Variants in AUTS2 observed in about 807,000 individuals in gnomAD.
AUTS2 encodes the protein autism susceptibility gene 2 protein.
A neutral mutation model predicts 112.4 loss-of-function variants in AUTS2; 17 were observed. That is an observed-to-expected ratio of 0.15 (90% CI 0.10 to 0.23). AUTS2 has a LOEUF of 0.23. Among genes scored for constraint, AUTS2 ranks in the 10% least tolerant of loss-of-function variants. AUTS2 has a pLI of 1.00. For synonymous variants in AUTS2, 751 were observed against 702.7 expected (o/e 1.07, Z -1.09); for missense variants, 1,510 against 1,701.6 (o/e 0.89, Z 1.98).
At chr7:69,991,686 A>G (rs2129551545) in intron 2 of AUTS2, among the ~76,000 whole-genome samples, 1 of 152,358 alleles carries the variant, frequency 6.6e-6, no homozygotes, top group East Asian at 1.9e-4. Context: ...GCTATATGGT[A>G]TGATAATATA....
intron 4 of AUTS2, among the ~76,000 whole-genome samples, chr7:70,184,211 G>T (rs2077395866): frequency 6.6e-6 from 1 of 152,020 alleles, no homozygotes; most frequent in Admixed American, 6.6e-5. Flanking sequence ...GTATAATTAT[G>T]GTGCCTGACC....
intron 2 of AUTS2, among the ~76,000 whole-genome samples, chr7:69,963,704 T>C (rs1190284407): frequency 1.3e-5 from 2 of 152,134 alleles, no homozygotes; most frequent in Non-Finnish European, 2.9e-5. Flanking sequence ...CATTTTAAGA[T>C]AGGTTTGATT....
chr7:70,487,613 C>A (rs1200670710), intron 5 of AUTS2, among the ~76,000 whole-genome samples: 1 of 152,080 alleles, frequency 6.6e-6, no homozygotes, highest in Non-Finnish European at 1.5e-5. Context: ...GAGCTGGGGC[C>A]GGTTTTGATG....
chr7:69,743,793 A>G (rs894731849), intron 1 of AUTS2, among the ~76,000 whole-genome samples: 4 of 152,062 alleles, frequency 2.6e-5, no homozygotes, highest in Admixed American at 1.3e-4. Flanking sequence ...TTATCTACCT[A>G]CCTGCATAGT....
At chr7:69,932,607 C>A (rs1796266785) in intron 2 of AUTS2, among the ~76,000 whole-genome samples, 1 of 152,182 alleles carries the variant, frequency 6.6e-6, no homozygotes, top group African/African-American at 2.4e-5. Context: ...GGATTATACA[C>A]CTTAGAACCT....
At chr7:70,019,294 G>T (rs1428326585) in intron 2 of AUTS2, among the ~76,000 whole-genome samples, 1 of 152,010 alleles carries the variant, frequency 6.6e-6, no homozygotes, top group Non-Finnish European at 1.5e-5. Context: ...AAGAGGTTCT[G>T]GAAAAATAAC....
intron 6 of AUTS2, chr7:70,699,592 T>A (rs1427004640): frequency 5.9e-5 from 9 of 152,202 alleles, no homozygotes; most frequent in Admixed American, 5.9e-4. Context: ...TTGAACCAAT[T>A]GCAATTTTAA....
At chr7:70,254,813 A>G (rs1035647893) in intron 4 of AUTS2, among the ~76,000 whole-genome samples, 4 of 152,358 alleles carry the variant, frequency 2.6e-5, no homozygotes, top group African/African-American at 9.6e-5. Context: ...AGAAATGGGA[A>G]GATAGCAAAG....
At chr7:69,822,150 T>C (rs535215744) in intron 1 of AUTS2, among the ~76,000 whole-genome samples, 1 of 152,234 alleles carries the variant, frequency 6.6e-6, no homozygotes, top group South Asian at 2.1e-4. Flanking sequence ...AATGGTGATG[T>C]AAGCAACAAT....
At chr7:69,835,388 A>G (rs890406720) in intron 1 of AUTS2, among the ~76,000 whole-genome samples, 2 of 152,074 alleles carry the variant, frequency 1.3e-5, no homozygotes, top group African/African-American at 4.8e-5. Flanking sequence ...AGATCTTAGA[A>G]CTCTGATCTT....
At chr7:70,720,320 C>G (rs1810596009) in intron 6 of AUTS2, among the ~76,000 whole-genome samples, 1 of 152,080 alleles carries the variant, frequency 6.6e-6, no homozygotes, top group South Asian at 2.1e-4. Flanking sequence ...ACACCCGCTG[C>G]CTCGGGGAAT....
intron 2 of AUTS2, among the ~76,000 whole-genome samples, chr7:69,928,947 A>G (rs1485982954): frequency 6.6e-6 from 1 of 152,136 alleles, no homozygotes; most frequent in Non-Finnish European, 1.5e-5. Context: ...GCCACCATCA[A>G]TGTGGTTACC....
intron 1 of AUTS2, among the ~76,000 whole-genome samples, chr7:69,890,416 T>A (rs1196483685): frequency 6.6e-6 from 1 of 152,252 alleles, no homozygotes; most frequent in African/African-American, 2.4e-5. Flanking sequence ...AATTTATCTG[T>A]ACCTGATCTA....
Position 69,855,575 on chromosome 7 carries a change from CAA to C in AUTS2, c.310-43710_310-43709del, listed in dbSNP as rs1168289577. On this transcript the variant is annotated intron_variant, in intron 1 of 18. Transcript: ENST00000342771. ...TTACAGGGTTTCAGTTTTCTCAACT[CAA>C]GAGAGTAGATAAGGCACTTAATGTA... 8.5e-5 allele frequency among the ~76,000 whole-genome samples: 13 copies of C among 152,286 alleles called. No homozygotes were observed. In the East Asian group the frequency reaches 2.3e-3, roughly 27 times the overall value.
intron 2 of AUTS2, among the ~76,000 whole-genome samples, chr7:70,062,671 ACGCATGTTT>A (rs1802308716): frequency 6.6e-6 from 1 of 152,198 alleles, no homozygotes; most frequent in African/African-American, 2.4e-5. Flanking sequence ...CTCTCATGTT[ACGCATGTTT>A]CTAAGCTCTT....
intron 6 of AUTS2, among the ~76,000 whole-genome samples, chr7:70,747,703 CT>C (rs1788543303): frequency 6.6e-6 from 1 of 151,974 alleles, no homozygotes; most frequent in Admixed American, 6.6e-5. Flanking sequence ...GCCAGCTGGT[CT>C]TGAACTCTTG....
At chr7:70,113,433 A>G (rs976478874) in intron 2 of AUTS2, among the ~76,000 whole-genome samples, 1 of 152,152 alleles carries the variant, frequency 6.6e-6, no homozygotes, top group Non-Finnish European at 1.5e-5. Flanking sequence ...TAAAAATAGT[A>G]TTTTTCAAGA....
At chr7:70,496,551 G>C (rs1187675733) in intron 5 of AUTS2, among the ~76,000 whole-genome samples, 437 of 25,974 alleles carry the variant, frequency 0.017, no homozygotes, top group Admixed American at 0.023. Flanking sequence ...TACACAGTCA[G>C]ACACACACAC....
intron 3 of AUTS2, among the ~76,000 whole-genome samples, chr7:70,121,913 A>G (rs1376584137): frequency 2.0e-5 from 3 of 152,234 alleles, no homozygotes; most frequent in Non-Finnish European, 2.9e-5. Context: ...ATGGTAGTCA[A>G]AAAGTAGAAA....
Sources: gnomAD v4.1 joint callset for allele counts (sites outside exome capture counted in the v4.1 genomes callset) on GRCh38, gnomAD v4.1.1 for gene constraint, MANE v1.5 for transcripts, NCBI Gene and HGNC (gene_info 2026-07-23, HGNC 2026-07-21) for gene names.